TMEM225B: variants seen among roughly 807,000 people sequenced by gnomAD.
TMEM225B encodes the protein transmembrane protein 225-like.
A neutral mutation model predicts 16.9 loss-of-function variants in TMEM225B; 10 were observed. The ratio of observed to expected loss-of-function variants is 0.59; its 90% CI spans 0.36 to 1.00. The LOEUF (loss-of-function observed/expected upper bound fraction) is 1.00. Among genes scored for constraint, TMEM225B ranks in the 50% least tolerant of loss-of-function variants. The probability of loss-of-function intolerance (pLI) is 0.01; values close to 1 mark genes in which losing one functional copy is unlikely to be tolerated. For synonymous variants in TMEM225B, 92 were observed against 109.8 expected (o/e 0.84, Z 1.01); for missense variants, 217 against 267.0 (o/e 0.81, Z 1.30).
chr7:99,604,359 C>T (rs1037234347), intron 2 of TMEM225B, 27 bp from the exon 3 acceptor site: 2 of 1,512,552 alleles, frequency 1.3e-6, no homozygotes, highest in African/African-American at 2.8e-5. Context: ...GGTGTCCCAC[C>T]TCCACGATCA....
At chr7:99,599,105 G>GC (rs1207103746) in intron 1 of TMEM225B, among the ~76,000 whole-genome samples, 3 of 149,198 alleles carry the variant, frequency 2.0e-5, no homozygotes, top group African/African-American at 7.5e-5. Flanking sequence ...GACTACAGGC[G>GC]CCCCCACCAC....
intron 1 of TMEM225B, among the ~76,000 whole-genome samples, 167 bp from the exon 2 acceptor site, chr7:99,600,037 GC>G (rs1238121301): frequency 1.3e-5 from 2 of 152,358 alleles, no homozygotes; most frequent in African/African-American, 2.4e-5. Flanking sequence ...CTGGACTGGT[GC>G]CCAGGGAAAG....
At chr7:99,610,264 T>C (rs777258383) in intron 5 of TMEM225B, 129 bp from the exon 6 acceptor site, 22 of 622,422 alleles carry the variant, frequency 3.5e-5, no homozygotes, top group Non-Finnish European at 6.0e-5. Flanking sequence ...GTCTGTAATC[T>C]CTCTCTGTAA....
chr7:99,600,985 G>A (rs965840051), intron 2 of TMEM225B, among the ~76,000 whole-genome samples: 1 of 152,112 alleles, frequency 6.6e-6, no homozygotes. Flanking sequence ...CTAGGGTTTG[G>A]GTGAAGGAGA....
At chr7:99,600,137 A>G (rs552350437) in intron 1 of TMEM225B, 68 bp from the exon 2 acceptor site, 2 of 698,842 alleles carry the variant, frequency 2.9e-6, no homozygotes, top group South Asian at 1.5e-5. Context: ...CCTGGCCCCA[A>G]AGTAACCCCG....
rs991501063 is a variant in TMEM225B at position 99,606,399 on chromosome 7, C to T, written c.209-349C>T. Among the ~76,000 whole-genome samples the T allele has an allele frequency of 3.9e-5, 6 of 152,018 alleles. 1 individual carries two copies. Among genetic ancestry groups the T allele is most frequent in the Non-Finnish European group, 7.4e-5 (5 of 68,018 alleles). On this transcript the variant is annotated intron_variant, in intron 3 of 5. Coordinates refer to ENST00000431679, the MANE Select transcript of TMEM225B (RefSeq NM_001195541.3). ...GGAGGATTGCTTGAGCCTGTGAAGTCGAAGTTACAGTGAGCTGAGATTGCA... is the reference window on the plus strand; with the variant it reads ...GGAGGATTGCTTGAGCCTGTGAAGTTGAAGTTACAGTGAGCTGAGATTGCA...
Position 99,604,104 on chromosome 7 carries a change from A to T in TMEM225B, c.-3-282A>T, listed in dbSNP as rs143017092. Among the ~76,000 whole-genome samples, 37 of 152,278 alleles carry T rather than the reference A, an allele frequency of 2.4e-4. No individual in the cohort carries two copies. The East Asian group carries it at 6.9e-3, about 29-fold the overall frequency. The stretch of plus-strand genomic sequence containing the variant: ...GGAGGCCTTGTGAATGGCCCAGTTC[A>T]ACCTCCTCAGTTTACCAGAGGAAGA... On this transcript the variant is annotated intron_variant, in intron 2 of 5. Transcript: ENST00000431679.
At chr7:99,601,453 C>A (rs768916673) in intron 2 of TMEM225B, among the ~76,000 whole-genome samples, 2 of 152,020 alleles carry the variant, frequency 1.3e-5, no homozygotes, top group African/African-American at 4.8e-5. Flanking sequence ...ATTAGCTGGG[C>A]GTGGTGGCAC....
At chr7:99,608,922 T>A (rs555614704) in intron 5 of TMEM225B, among the ~76,000 whole-genome samples, 1 of 150,730 alleles carries the variant, frequency 6.6e-6, no homozygotes, top group Admixed American at 6.6e-5. Flanking sequence ...ATCTCAGCAC[T>A]TCGGGAGGCC....
At chr7:99,604,645 G>C (rs1403987005) in intron 3 of TMEM225B, 49 bp downstream of exon 3, 1 of 1,426,502 alleles carries the variant, frequency 7.0e-7, no homozygotes, top group East Asian at 2.5e-5. Flanking sequence ...TGGGGCCAGT[G>C]TTGGGACAGA....
intron 4 of TMEM225B, 144 bp from the exon 5 acceptor site, chr7:99,607,529 G>C (rs1805919663): frequency 4.2e-6 from 3 of 716,492 alleles, no homozygotes; most frequent in Non-Finnish European, 6.7e-6. Flanking sequence ...AAAGGAGGGA[G>C]GGACAGGCAT....
rs970155991 is a variant in TMEM225B at position 99,607,738 on chromosome 7, G to A, written c.421G>A (p.Gly141Ser). 104 of 1,535,914 alleles carry A rather than the reference G, an allele frequency of 6.8e-5. No individual in the cohort carries two copies. Among genetic ancestry groups the A allele is most frequent in the Non-Finnish European group, 8.3e-5 (95 of 1,146,888 alleles). The change falls in exon 5 of 6, where the codon GGC (glycine) becomes AGC (serine). Residue 141 changes from glycine (G) to serine (S), a missense_variant. Transcript: ENST00000431679. ...GATCAAGGCTCTGAGGATGAAGCTC[G>A]GCCCCCTGCAGTTCTCCGTGCTGTG... ...LEIKALRMKL[G>S]PLQFSVLWPY...
intron 4 of TMEM225B, 126 bp from the exon 5 acceptor site, chr7:99,607,547 G>A: frequency 2.3e-6 from 2 of 860,520 alleles, no homozygotes; most frequent in East Asian, 2.7e-5. Flanking sequence ...CATCTGGGTA[G>A]GAGTTTTGTT....
At chr7:99,607,608 T>A in intron 4 of TMEM225B, 65 bp from the exon 5 acceptor site, 1 of 1,449,356 alleles carries the variant, frequency 6.9e-7, no homozygotes, top group Non-Finnish European at 9.1e-7. Context: ...CCACAGGGGG[T>A]GAAGTTTGGA....
chr7:99,605,040 C>A (rs1805686521), intron 3 of TMEM225B, among the ~76,000 whole-genome samples: 1 of 150,798 alleles, frequency 6.6e-6, no homozygotes, highest in Non-Finnish European at 1.5e-5. Flanking sequence ...CAACAAAACA[C>A]AAAAAATTAA....
chr7:99,599,871 A>G (rs1373379434), intron 1 of TMEM225B, among the ~76,000 whole-genome samples: 1 of 152,172 alleles, frequency 6.6e-6, no homozygotes, highest in Non-Finnish European at 1.5e-5. Flanking sequence ...CCAGCTCTCC[A>G]TCTCTGCTTC....
At chr7:99,601,746 G>A (rs1230323521) in intron 2 of TMEM225B, among the ~76,000 whole-genome samples, 2 of 152,218 alleles carry the variant, frequency 1.3e-5, no homozygotes. Flanking sequence ...CAGGAAGGGA[G>A]CCACACCTCT....
intron 2 of TMEM225B, among the ~76,000 whole-genome samples, chr7:99,601,629 T>G (rs1028713811): frequency 6.6e-6 from 1 of 152,124 alleles, no homozygotes; most frequent in Non-Finnish European, 1.5e-5. Flanking sequence ...AACTAGAGAA[T>G]GTCAGAAAGG....
intron 5 of TMEM225B, 75 bp from the exon 6 acceptor site, chr7:99,610,318 C>T: frequency 8.7e-7 from 1 of 1,151,348 alleles, no homozygotes; most frequent in Non-Finnish European, 1.2e-6. Context: ...AGCTCTGGAG[C>T]TAGAGGGACC....
Sources: gnomAD v4.1 joint callset for allele counts (sites outside exome capture counted in the v4.1 genomes callset) on GRCh38, gnomAD v4.1.1 for gene constraint, MANE v1.5 for transcripts, NCBI Gene and HGNC (gene_info 2026-07-23, HGNC 2026-07-21) for gene names.